The following PAPPA2 variants were observed in gnomAD, a reference collection of about 807,000 sequenced individuals.
The protein encoded by PAPPA2 is pappalysin-2.
A neutral mutation model predicts 176.4 loss-of-function variants in PAPPA2; 86 were observed. The observed-to-expected ratio is 0.49, with a 90% CI of 0.41 to 0.58. PAPPA2 has a LOEUF of 0.58. PAPPA2 is among the 20% of genes least tolerant of loss of function. PAPPA2 has a pLI of 0.00. For missense variants in PAPPA2, 2,073 were observed against 2,256.9 expected (o/e 0.92, Z 1.65); for synonymous variants, 809 against 852.2 (o/e 0.95, Z 0.88).
At chr1:176,812,351 C>A (rs182864370) in intron 21 of PAPPA2, among the ~76,000 whole-genome samples, 3 of 152,186 alleles carry the variant, frequency 2.0e-5, no homozygotes, top group Admixed American at 6.5e-5. Flanking sequence ...ACCTGCCAGA[C>A]CTTCAGCTGC....
chr1:176,551,091 GA>G (rs35134626), intron 1 of PAPPA2, among the ~76,000 whole-genome samples: 4 of 151,980 alleles, frequency 2.6e-5, no homozygotes, highest in Non-Finnish European at 2.9e-5. Flanking sequence ...CCTTACCTGC[GA>G]AAAAAGGGGG....
chr1:176,761,512 CT>C (rs1663700172), intron 14 of PAPPA2, among the ~76,000 whole-genome samples: 1 of 152,184 alleles, frequency 6.6e-6, no homozygotes. Context: ...AATATCATCA[CT>C]TTGATTTACT....
intron 3 of PAPPA2, among the ~76,000 whole-genome samples, chr1:176,602,256 G>A (rs1025041792): frequency 2.0e-5 from 3 of 152,150 alleles, no homozygotes; most frequent in Admixed American, 6.5e-5. Flanking sequence ...GGGAGTTCGA[G>A]GGCGGAGGAC....
chr1:176,765,199 T>C (rs1477393539), intron 14 of PAPPA2, among the ~76,000 whole-genome samples: 3 of 152,212 alleles, frequency 2.0e-5, no homozygotes, highest in African/African-American at 7.2e-5. Flanking sequence ...CCTTCAGACA[T>C]GGCCTTCTGT....
chr1:176,652,853 G>A (rs552118574), intron 3 of PAPPA2, among the ~76,000 whole-genome samples: 1 of 151,716 alleles, frequency 6.6e-6, no homozygotes, highest in East Asian at 2.0e-4. Flanking sequence ...GCAGGTTGTG[G>A]GGAGAAGCAT....
chr1:176,594,527 T>G lies in PAPPA2; in HGVS notation c.923T>G (p.Val308Gly). The G allele has an allele frequency of 6.2e-7, 1 of 1,611,504 alleles. No homozygotes were observed. Among genetic ancestry groups the G allele is most frequent in the Non-Finnish European group, 8.5e-7 (1 of 1,178,154 alleles). The change falls in exon 3 of 23, where the codon GTG becomes GGG. Residue 308 changes from valine (V) to glycine (G), a missense_variant. This residue lies in a region of PAPPA2 where 1,196 missense variants were observed against 1,330.4 expected (regional missense o/e 0.90). Transcript: ENST00000367662. ...GQNNPAIIAG[V>G]FDNCSHTVSD... Reference sequence around the variant, plus strand: ...TCGATTCTTCCTTCTTTCCCAGGTGTGTTTGATAACTGCTCCCACACTGTC... The same window carrying G: ...TCGATTCTTCCTTCTTTCCCAGGTGGGTTTGATAACTGCTCCCACACTGTC...
At chr1:176,516,128 A>G (rs1648895853) in intron 1 of PAPPA2, among the ~76,000 whole-genome samples, 1 of 152,162 alleles carries the variant, frequency 6.6e-6, no homozygotes. Flanking sequence ...GCAACTGTGT[A>G]GGGGAAGTAG....
chr1:176,574,509 T>G (rs1402011937), intron 2 of PAPPA2, among the ~76,000 whole-genome samples: 3 of 152,156 alleles, frequency 2.0e-5, no homozygotes, highest in Non-Finnish European at 2.9e-5. Flanking sequence ...TAAAAAAAAT[T>G]TTCAATTGAC....
intron 9 of PAPPA2, among the ~76,000 whole-genome samples, chr1:176,704,549 A>T (rs1243217701): frequency 1.3e-5 from 2 of 152,146 alleles, no homozygotes; most frequent in Non-Finnish European, 2.9e-5. Context: ...TTTGCCTTTA[A>T]AATATACCAA....
At chr1:176,498,751 C>CACAAAAAAAAAAAA (rs762510082) in intron 1 of PAPPA2, among the ~76,000 whole-genome samples, 29 of 112,118 alleles carry the variant, frequency 2.6e-4, no homozygotes, top group African/African-American at 5.3e-4. Context: ...CTCTTACCTC[C>CACAAAAAAAAAAAA]AAAAAAAAAA....
At chr1:176,731,592 G>T (rs554881540) in intron 12 of PAPPA2, among the ~76,000 whole-genome samples, 1 of 151,962 alleles carries the variant, frequency 6.6e-6, no homozygotes, top group East Asian at 1.9e-4. Flanking sequence ...AATTACAGAA[G>T]TGAGCCACCA....
At chr1:176,580,960 T>C (rs2102628116) in intron 2 of PAPPA2, among the ~76,000 whole-genome samples, 1 of 152,344 alleles carries the variant, frequency 6.6e-6, no homozygotes, top group East Asian at 1.9e-4. Flanking sequence ...TTTCTTTTGC[T>C]GTGCAAAAGC....
rs776472599 is a variant in PAPPA2, at chr1:176,702,770, TGTGTGTGA to T, written c.3365+37_3365+44del. ...TTGTGTGTGTGTGTGTGTGTGTGTG[TGTGTGTGA>T]GAGAGAGAGAGAGAGAGAGAGAGAG... On this transcript the variant is annotated intron_variant, in intron 9 of 22. Transcript: ENST00000367662. The T allele has an allele frequency of 5.5e-5, 87 of 1,572,930 alleles. No individual in the cohort carries two copies. In the African/African-American group the frequency reaches 1.1e-3, roughly 20 times the overall value.
intron 19 of PAPPA2, 61 bp from the exon 20 acceptor site, chr1:176,793,499 G>C: frequency 7.1e-7 from 1 of 1,412,130 alleles, no homozygotes; most frequent in Non-Finnish European, 9.9e-7. Context: ...ATTGATTCCT[G>C]AAAGAAAAAG....
At chr1:176,810,033 C>A (rs1207655508) in intron 21 of PAPPA2, among the ~76,000 whole-genome samples, 1 of 150,532 alleles carries the variant, frequency 6.6e-6, no homozygotes, top group Non-Finnish European at 1.5e-5. Flanking sequence ...CTGTGAAGCA[C>A]CCCTGTAGTG....
At chr1:176,785,237 A>C (rs1664885109) in intron 17 of PAPPA2, among the ~76,000 whole-genome samples, 1 of 152,202 alleles carries the variant, frequency 6.6e-6, no homozygotes, top group Admixed American at 6.5e-5. Flanking sequence ...CTGAAGTGCC[A>C]AGTTCCATAC....
At chr1:176,774,367 G>A (rs907476630) in intron 17 of PAPPA2, among the ~76,000 whole-genome samples, 2 of 152,032 alleles carry the variant, frequency 1.3e-5, no homozygotes, top group East Asian at 1.9e-4. Flanking sequence ...CTTGGATATC[G>A]TGTCTACATC....
chr1:176,581,267 T>C (rs1652943497), intron 2 of PAPPA2, among the ~76,000 whole-genome samples: 1 of 152,206 alleles, frequency 6.6e-6, no homozygotes, highest in Non-Finnish European at 1.5e-5. Flanking sequence ...AAATCAGTTG[T>C]TGTGGATACA....
In PAPPA2 at chr1:176,529,805, C is replaced by G. The variant is rs76301503; in HGVS notation, c.-916-25602C>G. Reference sequence around the variant, plus strand: ...TTAAACCTTCAAGATGGCCACTTGCCTTTTTTATCAGCAAGTTTGCATGCG... The same window carrying G: ...TTAAACCTTCAAGATGGCCACTTGCGTTTTTTATCAGCAAGTTTGCATGCG... On this transcript the variant is annotated intron_variant, in intron 1 of 22. Coordinates refer to ENST00000367662, the MANE Select transcript of PAPPA2 (RefSeq NM_020318.3). Among the ~76,000 whole-genome samples, 1,208 of 152,086 alleles carry G rather than the reference C, an allele frequency of 7.9e-3. 15 individuals are homozygous for G. The highest frequency in any genetic ancestry group is 0.027 in the African/African-American group (1,133 of 41,486).
Sources: allele counts gnomAD v4.1 joint callset (sites outside exome capture counted in the v4.1 genomes callset), GRCh38; gene constraint gnomAD v4.1.1; regional missense constraint gnomAD v4.1.1; transcripts MANE v1.5; gene names NCBI Gene and HGNC (gene_info 2026-07-23, HGNC 2026-07-21).